The following MEI1 variants were observed in gnomAD, a reference collection of about 807,000 sequenced individuals.
The protein encoded by MEI1 is meiosis inhibitor protein 1.
In MEI1, 103 loss-of-function variants were observed where a neutral mutation model predicts 146.2. The ratio of observed to expected loss-of-function variants is 0.70; its 90% CI spans 0.60 to 0.83. The LOEUF is 0.83. MEI1 is among the 40% of genes least tolerant of loss of function. The pLI is 0.00. For missense variants in MEI1, 1,529 were observed against 1,533.0 expected, an observed-to-expected ratio of 1.00 and a Z score of 0.04; for synonymous variants, 652 against 628.2, an observed-to-expected ratio of 1.04 and a Z score of -0.57.
chr22:41,787,391 CT>C (rs1410599914), intron 26 of MEI1, among the ~76,000 whole-genome samples: 2 of 152,124 alleles, frequency 1.3e-5, no homozygotes, highest in Non-Finnish European at 1.5e-5. Context: ...TTTTATTATA[CT>C]TGCTTAATCA....
chr22:41,713,364 A>G (rs1015599520), intron 3 of MEI1, among the ~76,000 whole-genome samples: 4 of 152,018 alleles, frequency 2.6e-5, no homozygotes, highest in African/African-American at 9.7e-5. Flanking sequence ...GCTGCTTGAG[A>G]GCCTGAGTGG....
At chr22:41,710,097 A>G (rs905932973) in intron 3 of MEI1, among the ~76,000 whole-genome samples, 14 of 152,068 alleles carry the variant, frequency 9.2e-5, no homozygotes, top group Admixed American at 6.6e-5. Context: ...GATGGACCCT[A>G]ATCCAATCTG....
At chr22:41,789,298 CA>C (rs2076094011) in intron 26 of MEI1, among the ~76,000 whole-genome samples, 1 of 152,048 alleles carries the variant, frequency 6.6e-6, no homozygotes, top group African/African-American at 2.4e-5. Context: ...GGTGACAGAG[CA>C]AGACTCCATC....
chr22:41,735,717 G>C (rs1258780351), intron 11 of MEI1, among the ~76,000 whole-genome samples: 1 of 151,980 alleles, frequency 6.6e-6, no homozygotes, highest in Non-Finnish European at 1.5e-5. Flanking sequence ...TTTCATTTTG[G>C]TAAGGAGTAG....
intron 1 of MEI1, among the ~76,000 whole-genome samples, chr22:41,700,563 T>G (rs541396388): frequency 1.3e-5 from 2 of 152,052 alleles, no homozygotes; most frequent in East Asian, 3.9e-4. Flanking sequence ...ACTCTTGACC[T>G]CAGGTGATCC....
At chr22:41,772,123 A>C (rs2075215418) in intron 20 of MEI1, among the ~76,000 whole-genome samples, 1 of 152,246 alleles carries the variant, frequency 6.6e-6, no homozygotes, top group Non-Finnish European at 1.5e-5. Context: ...CCTAGGCTAC[A>C]AACCTGTACA....
At chr22:41,734,140 AAAAT>A (rs2072113314) in intron 11 of MEI1, among the ~76,000 whole-genome samples, 1 of 151,690 alleles carries the variant, frequency 6.6e-6, no homozygotes, top group Non-Finnish European at 1.5e-5. Flanking sequence ...AAAATAAAAT[AAAAT>A]AAAATAAAAT....
chr22:41,778,937 A>G, intron 22 of MEI1, 125 bp downstream of exon 22: 1 of 688,696 alleles, frequency 1.5e-6, no homozygotes, highest in Non-Finnish European at 2.5e-6. Flanking sequence ...CTAGTAGGTC[A>G]GTCTGTCCCT....
intron 6 of MEI1, among the ~76,000 whole-genome samples, chr22:41,720,938 A>G (rs2147411972): frequency 7.0e-6 from 1 of 142,556 alleles, no homozygotes; most frequent in South Asian, 2.3e-4. Flanking sequence ...CGCCCGGCTA[A>G]TTTTTTGAAT....
intron 23 of MEI1, 35 bp downstream of exon 23, chr22:41,781,429 T>C: frequency 6.6e-7 from 1 of 1,517,874 alleles, no homozygotes; most frequent in Non-Finnish European, 9.0e-7. Context: ...TGAAGAGTGC[T>C]GGGCAGTCTG....
chr22:41,759,319 C>T (rs1021802429), intron 18 of MEI1: 1 of 152,022 alleles, frequency 6.6e-6, no homozygotes, highest in African/African-American at 2.4e-5. Flanking sequence ...CAAGGTGAAA[C>T]CCTGTCTCTA....
intron 3 of MEI1, among the ~76,000 whole-genome samples, chr22:41,712,934 G>T (rs1210721438): frequency 6.6e-6 from 1 of 150,536 alleles, no homozygotes; most frequent in Non-Finnish European, 1.5e-5. Context: ...TCAGCCTCCT[G>T]AGTAGCTGGG....
intron 17 of MEI1, 122 bp downstream of exon 17, chr22:41,754,168 A>T (rs775755942): frequency 1.4e-6 from 1 of 707,828 alleles, no homozygotes; most frequent in South Asian, 1.7e-5. Flanking sequence ...GAGGCTGCCC[A>T]GAGGAATCGG....
At chr22:41,790,480 A>G (rs902499897) in intron 26 of MEI1, among the ~76,000 whole-genome samples, 1 of 152,198 alleles carries the variant, frequency 6.6e-6, no homozygotes, top group African/African-American at 2.4e-5. Flanking sequence ...AATAGAGGAA[A>G]TCCCTCTCCC....
rs1231273937 is a variant in MEI1 at position 41,744,745 on chromosome 22, G to A, written c.1447-228G>A. Among the ~76,000 whole-genome samples the A allele has an allele frequency of 7.9e-4, 32 of 40,398 alleles. 14 individuals carry two copies. Among genetic ancestry groups the A allele is most frequent in the Admixed American group, 4.1e-3 (31 of 7,610 alleles). The allele number at this position is 40,398 out of a possible 152,430, so 26.5% of individuals were successfully genotyped here. A position where few individuals can be genotyped will look rare whatever the true frequency, so the allele number is the denominator to read the frequency against. On this transcript the variant is annotated intron_variant, in intron 12 of 30. Coordinates refer to ENST00000401548, the MANE Select transcript of MEI1 (RefSeq NM_152513.4). Reference sequence around the variant, plus strand: ...GATCTCTTGACCTCGTGATCCGCCCGCCTCGGCCTCCCAAAGTGCTGGGAT... The same window carrying A: ...GATCTCTTGACCTCGTGATCCGCCCACCTCGGCCTCCCAAAGTGCTGGGAT...
At chr22:41,754,068 ACT>A (rs1444480522) in intron 17 of MEI1, 22 bp downstream of exon 17, 2 of 1,554,544 alleles carry the variant, frequency 1.3e-6, no homozygotes, top group Non-Finnish European at 1.8e-6. Context: ...CAATTTGACC[ACT>A]CATGTGGCCT....
rs2076333358 is a variant in MEI1 at position 41,795,655 on chromosome 22, TA to T, written c.3667-79del. The T allele has an allele frequency of 6.3e-7, 1 of 1,589,432 alleles. No individual in the cohort carries two copies. The highest frequency in any genetic ancestry group is 1.7e-5 in the Admixed American group (1 of 58,036). ...CAACCAAGGAATGGGAGGAGGGAAG[TA>T]CAGAGGATGGAGGCAGTTAGGGCCT... On this transcript the variant is annotated intron_variant, in intron 29 of 30. Coordinates refer to ENST00000401548, the MANE Select transcript of MEI1 (RefSeq NM_152513.4). The surrounding 1 kb of genome is among the most constrained non-coding windows in gnomAD (Gnocchi z 4.2).
At chr22:41,719,984 G>A (rs1050165739) in intron 6 of MEI1, among the ~76,000 whole-genome samples, 3 of 152,110 alleles carry the variant, frequency 2.0e-5, no homozygotes, top group African/African-American at 4.8e-5. Context: ...GTGAGCATTC[G>A]TTCTATAGCT....
chr22:41,752,298 A>T (rs559946286), intron 15 of MEI1, among the ~76,000 whole-genome samples: 2 of 152,210 alleles, frequency 1.3e-5, no homozygotes, highest in Non-Finnish European at 2.9e-5. Flanking sequence ...TCAGAATGGA[A>T]GAAAATGAAC....
Sources: gnomAD v4.1 joint callset for allele counts (sites outside exome capture counted in the v4.1 genomes callset) on GRCh38, gnomAD v4.1.1 for gene constraint, Gnocchi (gnomAD v3.1) non-coding constraint, MANE v1.5 for transcripts, NCBI Gene and HGNC (gene_info 2026-07-23, HGNC 2026-07-21) for gene names.